Variants in DACH1 observed in about 807,000 individuals in gnomAD.
DACH1 encodes dachshund family transcription factor 1.
In DACH1, 12 loss-of-function variants were observed where a neutral mutation model predicts 54.2. The ratio of observed to expected loss-of-function variants is 0.22; its 90% CI spans 0.14 to 0.36. The LOEUF is 0.36. Ranked by LOEUF, DACH1 falls within the 10% of genes least tolerant of loss-of-function variation. The pLI is 1.00. For missense variants in DACH1, 805 were observed against 929.8 expected (o/e 0.87, Z 1.75); for synonymous variants, 386 against 366.2 (o/e 1.05, Z -0.62).
intron 2 of DACH1, among the ~76,000 whole-genome samples, chr13:71,673,619 G>T (rs1449790273): frequency 1.3e-5 from 2 of 152,018 alleles, no homozygotes. Flanking sequence ...GGGGGGTGTG[G>T]GGCTGGGGGA....
chr13:71,560,090 T>C, intron 4 of DACH1, 135 bp from the exon 5 acceptor site: 7 of 1,027,340 alleles, frequency 6.8e-6, no homozygotes, highest in African/African-American at 1.7e-5. Flanking sequence ...AGCATTTAAC[T>C]GTACTAAAAG....
rs549794034 is a variant in DACH1, at chr13:71,627,863, G to C, written c.1126+2693C>G. 6.7e-4 allele frequency among the ~76,000 whole-genome samples: 102 copies of C among 152,158 alleles called. 1 individual carries two copies. The highest frequency in any genetic ancestry group is 2.2e-3 in the African/African-American group (92 of 41,548). On this transcript the variant is annotated intron_variant, in intron 3 of 10. Transcript: ENST00000613252. ...AATAGCTACCAGAGACAATGGAAAA[G>C]CAGGTGGAAGCAGTTGATGGTGGTA...
chr13:71,551,068 C>T (rs1883783563), intron 6 of DACH1, among the ~76,000 whole-genome samples: 1 of 152,032 alleles, frequency 6.6e-6, no homozygotes, highest in African/African-American at 2.4e-5. Context: ...GAGATACTAA[C>T]AGGCTCCCAT....
At chr13:71,510,935 A>T (rs1359997034) in intron 6 of DACH1, among the ~76,000 whole-genome samples, 1 of 152,082 alleles carries the variant, frequency 6.6e-6, no homozygotes, top group Non-Finnish European at 1.5e-5. Flanking sequence ...CATCATAAAA[A>T]AACCTGAACC....
chr13:71,673,511 A>G (rs1046629655), intron 2 of DACH1, among the ~76,000 whole-genome samples: 3 of 152,108 alleles, frequency 2.0e-5, no homozygotes, highest in African/African-American at 7.2e-5. Flanking sequence ...ATATAGTACA[A>G]ATGTAGTTAT....
intron 10 of DACH1, among the ~76,000 whole-genome samples, chr13:71,467,626 TTGTC>T (rs1371074168): frequency 2.2e-4 from 34 of 151,984 alleles, no homozygotes; most frequent in Admixed American, 2.2e-3. Flanking sequence ...TAATAACTGA[TTGTC>T]TAGTTAAATG....
intron 7 of DACH1, among the ~76,000 whole-genome samples, chr13:71,480,747 G>A (rs1021222863): frequency 1.3e-5 from 2 of 152,154 alleles, no homozygotes; most frequent in Non-Finnish European, 2.9e-5. Context: ...TTCTACTCCA[G>A]CTTGACTTGT....
chr13:71,458,200 A>AAAAC (rs1487940824), intron 10 of DACH1, among the ~76,000 whole-genome samples: 1 of 151,962 alleles, frequency 6.6e-6, no homozygotes, highest in Non-Finnish European at 1.5e-5. Flanking sequence ...GAATTTAAAA[A>AAAAC]AAACAGCAGA....
chr13:71,458,311 A>AAATATGTT (rs1875766238), intron 10 of DACH1, among the ~76,000 whole-genome samples: 1 of 152,018 alleles, frequency 6.6e-6, no homozygotes, highest in South Asian at 2.1e-4. Context: ...AAATTTTGCA[A>AAATATGTT]AATATGTTAA....
At chr13:71,658,004 C>A (rs894328659) in intron 2 of DACH1, among the ~76,000 whole-genome samples, 1 of 152,114 alleles carries the variant, frequency 6.6e-6, no homozygotes, top group Non-Finnish European at 1.5e-5. Context: ...AAACTAACTT[C>A]TATTAAATAC....
At chr13:71,573,478 G>A (rs750119512) in intron 3 of DACH1, 54 of 715,234 alleles carry the variant, frequency 7.5e-5, no homozygotes, top group South Asian at 2.7e-4. Flanking sequence ...GGAAGGCTAC[G>A]TGCTCCAGGC....
intron 2 of DACH1, among the ~76,000 whole-genome samples, chr13:71,678,682 G>C (rs1880715038): frequency 6.6e-6 from 1 of 150,408 alleles, no homozygotes; most frequent in Non-Finnish European, 1.5e-5. Context: ...TTTCAGACAG[G>C]GTCTCTTTCT....
chr13:71,669,406 T>C (rs1006348427), intron 2 of DACH1, among the ~76,000 whole-genome samples: 2 of 152,188 alleles, frequency 1.3e-5, no homozygotes, highest in African/African-American at 2.4e-5. Context: ...GGTTGTATGT[T>C]CCTTATGAGA....
At chr13:71,570,119 G>A (rs1269267976) in intron 4 of DACH1, among the ~76,000 whole-genome samples, 1 of 152,104 alleles carries the variant, frequency 6.6e-6, no homozygotes, top group African/African-American at 2.4e-5. Context: ...GTTCTATACA[G>A]TCAACCAATA....
chr13:71,485,543 T>TTTACTTCA (rs1177566307), intron 7 of DACH1, among the ~76,000 whole-genome samples: 4 of 148,864 alleles, frequency 2.7e-5, no homozygotes, highest in Non-Finnish European at 6.0e-5. Context: ...TTTTTTTCTT[T>TTTACTTCA]TTACTTCATT....
chr13:71,789,447 A>G (rs1356030875), intron 1 of DACH1, among the ~76,000 whole-genome samples: 1 of 152,152 alleles, frequency 6.6e-6, no homozygotes. Flanking sequence ...GATTTATCCC[A>G]TAAAAAGTAT....
chr13:71,470,253 C>A (rs1876952044), intron 10 of DACH1, among the ~76,000 whole-genome samples: 1 of 151,784 alleles, frequency 6.6e-6, no homozygotes, highest in Admixed American at 6.6e-5. Context: ...ATAAACACAT[C>A]CTGTTAATTC....
intron 6 of DACH1, among the ~76,000 whole-genome samples, chr13:71,499,132 CGCAG>C (rs1353033553): frequency 4.3e-5 from 2 of 46,160 alleles, no homozygotes; most frequent in East Asian, 1.4e-3. Context: ...CACACACACA[CGCAG>C]ACACACACAC....
intron 10 of DACH1, among the ~76,000 whole-genome samples, chr13:71,459,292 C>T (rs1391618132): frequency 6.6e-6 from 1 of 151,744 alleles, no homozygotes; most frequent in East Asian, 1.9e-4. Context: ...TAAGATAATT[C>T]TCAGAGTAGT....
Sources: gnomAD v4.1 joint callset for allele counts (sites outside exome capture counted in the v4.1 genomes callset) on GRCh38, gnomAD v4.1.1 for gene constraint, MANE v1.5 for transcripts, NCBI Gene and HGNC (gene_info 2026-07-23, HGNC 2026-07-21) for gene names.